The following EXOSC9 variants were observed in gnomAD, a reference collection of about 807,000 sequenced individuals.
EXOSC9 encodes exosome complex component RRP45.
Under a neutral mutation model 56.5 loss-of-function variants are expected in EXOSC9, and 38 were observed. The observed-to-expected ratio is 0.67, with a 90% CI of 0.52 to 0.88. The LOEUF (loss-of-function observed/expected upper bound fraction) is 0.88, where lower values mean the gene tolerates loss of function less well. Ranked by LOEUF, EXOSC9 falls within the 40% of genes least tolerant of loss-of-function variation. EXOSC9 has a pLI of 0.00. For missense variants in EXOSC9, 559 were observed against 530.5 expected, an observed-to-expected ratio of 1.05 and a Z score of -0.53; for synonymous variants, 170 against 170.8, an observed-to-expected ratio of 0.99 and a Z score of 0.04.
In EXOSC9 at chr4:121,801,459, G is replaced by C. The variant is rs768690807; in HGVS notation, c.35G>C (p.Arg12Pro). The C allele has an allele frequency of 6.2e-6, 10 of 1,614,186 alleles. No individual in the cohort carries two copies. The highest frequency in any genetic ancestry group is 8.5e-6 in the Non-Finnish European group (10 of 1,180,016). ...ACGCCACTCTCAAACTGCGAACGCC[G>C]CTTCCTACTCCGTGCCATCGAAGAG... Reference protein sequence around the residue: ...KETPLSNCERRFLLRAIEEKK... With the variant: ...KETPLSNCERPFLLRAIEEKK... The change falls in exon 1 of 12, where the codon CGC (arginine) becomes CCC (proline). Residue 12 changes from arginine to proline, a missense_variant. Physicochemically the swap from Arg to Pro is moderately radical, Grantham distance 103 (BLOSUM62 -2). Transcript: ENST00000243498.
At chr4:121,812,646 A>G (rs964883676) in intron 8 of EXOSC9, among the ~76,000 whole-genome samples, 3 of 152,088 alleles carry the variant, frequency 2.0e-5, no homozygotes, top group Non-Finnish European at 2.9e-5. Flanking sequence ...GCATACCACC[A>G]TGCCCGGCTA....
chr4:121,802,925 C>A lies in EXOSC9; in HGVS notation c.292C>A (p.Leu98Ile). 6.2e-7 allele frequency: 1 copy of A among 1,613,788 alleles called. No individual in the cohort carries two copies. Among genetic ancestry groups the A allele is most frequent in the East Asian group, 2.2e-5 (1 of 44,862 alleles). Residue 98 changes from leucine to isoleucine, a missense_variant, in exon 4 of 12, where the codon CTC becomes ATC. Coordinates refer to ENST00000243498, the MANE Select transcript of EXOSC9 (RefSeq NM_005033.3). ...PAFEPGRQSD[L>I]LVKLNRLMER... ...ATTTTCTCCTTATAGGCAGTCAGAT[C>A]TCTTGGTGAAGTTGAATCGACTCAT...
rs1727063340 is a variant in EXOSC9, at chr4:121,807,632, GC to G, written c.605+12del. ...CCTTTTTCCAGCAAGGGTAAGCCTC[GC>G]CTTATTATGGGCCAAAATTACAAAT... On this transcript the variant is annotated intron_variant, in intron 6 of 11. Coordinates refer to ENST00000243498, the MANE Select transcript of EXOSC9 (RefSeq NM_005033.3). The G allele has an allele frequency of 6.3e-7, 1 of 1,574,978 alleles. No homozygotes were observed. The highest frequency in any genetic ancestry group is 8.7e-7 in the Non-Finnish European group (1 of 1,144,760).
At position 121,813,983 on chromosome 4, in the gene EXOSC9, A is replaced by G. The variant is rs761911321; in HGVS notation, c.1092A>G (p.Gln364=). The G allele has an allele frequency of 6.2e-7, 1 of 1,613,922 alleles. No individual in the cohort carries two copies. The highest frequency in any genetic ancestry group is 1.3e-5 in the African/African-American group (1 of 75,032). ...EKEDDEGGGD[Q]AIILDGIKMD... ...AAGATGATGAAGGCGGTGGTGATCA[A>G]GCTATCATTCTTGATGGTATAAAAA... The change falls in exon 10 of 12, where the codon CAA becomes CAG. Residue 364 remains glutamine, a synonymous_variant. Transcript: ENST00000243498.
intron 7 of EXOSC9, 118 bp from the exon 8 acceptor site, chr4:121,811,465 A>G (rs1189290562): frequency 1.8e-6 from 1 of 544,572 alleles, no homozygotes; most frequent in Admixed American, 3.8e-5. Context: ...CATTGTATTC[A>G]TGTTTGGAAA....
At chr4:121,807,276 G>GTGAAA (rs771053225) in intron 5 of EXOSC9, among the ~76,000 whole-genome samples, 10 of 152,052 alleles carry the variant, frequency 6.6e-5, no homozygotes, top group Non-Finnish European at 1.2e-4. Flanking sequence ...GGCAACAAGA[G>GTGAAA]TGAAACTTCA....
chr4:121,803,828 C>G (rs1726941780), intron 4 of EXOSC9, among the ~76,000 whole-genome samples: 2 of 152,170 alleles, frequency 1.3e-5, no homozygotes, highest in African/African-American at 4.8e-5. Context: ...GCTACTGTGC[C>G]TGGCCAGAAT....
At position 121,802,772 on chromosome 4, in the gene EXOSC9, C is replaced by G; in HGVS notation, c.260C>G (p.Ala87Gly). 1 of 1,614,116 alleles carries G rather than the reference C, an allele frequency of 6.2e-7. No homozygotes were observed. Among genetic ancestry groups the G allele is most frequent in the Non-Finnish European group, 8.5e-7 (1 of 1,180,006 alleles). The part of the protein sequence containing the change: ...FFNLELSQMA[A>G]PAFEPGRQSD... ...AACCTTGAACTCTCTCAGATGGCCG[C>G]TCCAGCTTTCGAACCTGGCAGGTAT... Residue 87 changes from alanine (A) to glycine (G), a missense_variant, in exon 3 of 12, where the codon GCT (alanine) becomes GGT (glycine). Coordinates refer to ENST00000243498, the MANE Select transcript of EXOSC9 (RefSeq NM_005033.3).
At chr4:121,808,802 T>C (rs1727121920) in intron 6 of EXOSC9, among the ~76,000 whole-genome samples, 1 of 151,362 alleles carries the variant, frequency 6.6e-6, no homozygotes, top group African/African-American at 2.4e-5. Context: ...CTCAGCCTCC[T>C]GAGTAGCTGG....
At position 121,802,905 on chromosome 4, in the gene EXOSC9, C is replaced by T; in HGVS notation, c.282-10C>T. 6.2e-7 allele frequency: 1 copy of T among 1,612,446 alleles called. No individual in the cohort carries two copies. The highest frequency in any genetic ancestry group is 1.1e-5 in the South Asian group (1 of 91,002). On this transcript the variant is annotated splice_polypyrimidine_tract_variant and intron_variant, in intron 3 of 11. Transcript: ENST00000243498. ...CATGACATTAGCCCATTCCTATTTT[C>T]TCCTTATAGGCAGTCAGATCTCTTG...
In EXOSC9 at chr4:121,801,343, G is replaced by C. The variant is rs1481779023; in HGVS notation, c.-82G>C. ...ATGACGTAATTTTCCTGCGCCTCGG[G>C]GCGAGCAGCGGCGCGCAAGGAAAGA... On this transcript the variant is annotated 5_prime_UTR_variant, in exon 1 of 12. Transcript: ENST00000243498. 2 of 1,361,394 alleles carry C rather than the reference G, an allele frequency of 1.5e-6. No homozygotes were observed. Among genetic ancestry groups the C allele is most frequent in the East Asian group, 2.3e-5 (1 of 43,714 alleles). 84.3% of individuals were successfully genotyped at this position (1,361,394 alleles called of 1,614,324 possible).
At chr4:121,807,811 T>A (rs957008960) in intron 6 of EXOSC9, 189 bp downstream of exon 6, 5 of 595,994 alleles carry the variant, frequency 8.4e-6, no homozygotes, top group African/African-American at 1.9e-5. Context: ...AAAACTCTTA[T>A]ACTTTGATGA....
At chr4:121,812,101 CTTTTG>C (rs1263948483) in intron 8 of EXOSC9, among the ~76,000 whole-genome samples, 2 of 152,088 alleles carry the variant, frequency 1.3e-5, no homozygotes, top group Non-Finnish European at 2.9e-5. Context: ...GATTCTTGTC[CTTTTG>C]TTTTATGAGG....
chr4:121,807,948 T>A (rs1015473153), intron 6 of EXOSC9: 2 of 273,932 alleles, frequency 7.3e-6, no homozygotes, highest in African/African-American at 4.4e-5. Flanking sequence ...AGGCTCTAAT[T>A]TGGGACAGTG....
chr4:121,816,495 T>TA (rs1190644205), intron 11 of EXOSC9, 48 bp downstream of exon 11: 2 of 1,214,102 alleles, frequency 1.6e-6, no homozygotes, highest in East Asian at 2.4e-5. Context: ...ACTCAACACT[T>TA]ATAGAGGTTT....
chr4:121,813,789 AGAAAACTT>A, intron 9 of EXOSC9, 69 bp from the exon 10 acceptor site: 1 of 1,098,038 alleles, frequency 9.1e-7, no homozygotes, highest in Non-Finnish European at 1.3e-6. Flanking sequence ...TCTTACAAGA[AGAAAACTT>A]TCATTCTCAT....
chr4:121,815,627 A>C, intron 10 of EXOSC9: 2 of 985,438 alleles, frequency 2.0e-6, no homozygotes, highest in Non-Finnish European at 2.4e-6. Context: ...CAGTAATACA[A>C]ATAAAATCCA....
At chr4:121,802,134 T>C (rs1196026358) in intron 2 of EXOSC9, among the ~76,000 whole-genome samples, 2 of 152,258 alleles carry the variant, frequency 1.3e-5, no homozygotes, top group Admixed American at 6.5e-5. Flanking sequence ...TATCACATAG[T>C]TCTTTTCTGA....
rs986845544 is a variant in EXOSC9, at chr4:121,807,568, C to T, written c.551C>T (p.Pro184Leu). The stretch of plus-strand genomic sequence containing the variant: ...ACACCTGAAGAGCGTGATCCTGTAC[C>T]ATTAAGTATCCACCACATGCCCATT... ...LYTPEERDPV[P>L]LSIHHMPICV... Residue 184 changes from proline (P) to leucine (L), a missense_variant, in exon 6 of 12, where the codon CCA (proline) becomes CTA (leucine). Pro to Leu is a moderately conservative substitution (Grantham distance 98, BLOSUM62 -3). Transcript: ENST00000243498. 6.2e-7 allele frequency: 1 copy of T among 1,612,744 alleles called. No homozygotes were observed. Among genetic ancestry groups the T allele is most frequent in the South Asian group, 1.1e-5 (1 of 91,034 alleles).
Sources: gnomAD v4.1 joint callset for allele counts (sites outside exome capture counted in the v4.1 genomes callset) on GRCh38, gnomAD v4.1.1 for gene constraint, MANE v1.5 for transcripts, NCBI Gene and HGNC (gene_info 2026-07-23, HGNC 2026-07-21) for gene names.